INO80: variants seen among roughly 807,000 people sequenced by gnomAD.
INO80 encodes the protein chromatin-remodeling ATPase INO80.
INO80 carries 20 observed loss-of-function variants against 203.4 expected under a neutral mutation model. The ratio of observed to expected loss-of-function variants is 0.10; its 90% CI spans 0.07 to 0.14. The LOEUF (loss-of-function observed/expected upper bound fraction) is 0.14, where lower values mean the gene tolerates loss of function less well. INO80 is among the 10% of genes least tolerant of loss of function. The probability of loss-of-function intolerance (pLI) is 1.00; values close to 1 mark genes in which losing one functional copy is unlikely to be tolerated. For missense variants in INO80, 1,419 were observed against 1,914.4 expected (o/e 0.74, Z 4.83); for synonymous variants, 726 against 685.2 (o/e 1.06, Z -0.93).
chr15:41,070,604 C>T (rs904576865), intron 12 of INO80, 57 bp from the exon 13 acceptor site: 1 of 1,402,822 alleles, frequency 7.1e-7, no homozygotes, highest in Non-Finnish European at 1.0e-6. Flanking sequence ...TAAAGTTCAA[C>T]CTGTTACCAA....
intron 25 of INO80, among the ~76,000 whole-genome samples, chr15:41,025,866 C>T (rs1483861718): frequency 6.6e-6 from 1 of 152,210 alleles, no homozygotes; most frequent in Non-Finnish European, 1.5e-5. Context: ...ACAAAACCAA[C>T]CACACAACCA....
chr15:41,075,166 G>C (rs1371866827), intron 9 of INO80, among the ~76,000 whole-genome samples: 2 of 152,178 alleles, frequency 1.3e-5, no homozygotes, highest in Non-Finnish European at 2.9e-5. Flanking sequence ...TGGTGGCACA[G>C]AGACAACAAC....
intron 24 of INO80, 33 bp downstream of exon 24, chr15:41,044,871 A>G: frequency 6.4e-7 from 1 of 1,561,764 alleles, no homozygotes. Context: ...AGAAGATACT[A>G]AGTAGGTAAT....
At chr15:40,987,376 G>A (rs761302232) in intron 30 of INO80, among the ~76,000 whole-genome samples, 183 bp from the exon 31 acceptor site, 2 of 152,152 alleles carry the variant, frequency 1.3e-5, no homozygotes, top group East Asian at 3.8e-4. Flanking sequence ...TTGTCCGACA[G>A]AAGGAAAATG....
chr15:41,050,117 GA>G lies in INO80; in HGVS notation c.2275-16del, dbSNP rs1470183849. 5 of 1,578,602 alleles carry G rather than the reference GA, an allele frequency of 3.2e-6. No individual in the cohort carries two copies. The highest frequency in any genetic ancestry group is 2.6e-6 in the Non-Finnish European group (3 of 1,153,866). ...AGAATCTCAATCTAAAAATCAATAAGAACATTTATATTTGGAAAAGTAGTTT... is the reference window on the plus strand; with the variant it reads ...AGAATCTCAATCTAAAAATCAATAAGACATTTATATTTGGAAAAGTAGTTT... On this transcript the variant is annotated splice_polypyrimidine_tract_variant and intron_variant, in intron 19 of 35. Coordinates refer to ENST00000648947, the MANE Select transcript of INO80 (RefSeq NM_017553.3).
chr15:40,990,149 C>T (rs1437804569), intron 29 of INO80, among the ~76,000 whole-genome samples: 2 of 151,934 alleles, frequency 1.3e-5, no homozygotes, highest in Admixed American at 6.6e-5. Context: ...CTCCATCTTA[C>T]AAGCAAGGAA....
chr15:40,983,125 A>G (rs756963489), intron 34 of INO80, 48 bp from the exon 35 acceptor site: 88 of 1,464,494 alleles, frequency 6.0e-5, no homozygotes, highest in East Asian at 3.2e-4. Flanking sequence ...AAAAAAGTCA[A>G]TCTCCAAGAT....
At chr15:41,014,051 C>A (rs533568852) in intron 27 of INO80, among the ~76,000 whole-genome samples, 18 of 152,138 alleles carry the variant, frequency 1.2e-4, no homozygotes, top group African/African-American at 4.3e-4. Context: ...TTATCATACT[C>A]TGAATTACTT....
At chr15:41,097,093 T>C (rs1159319047) in intron 1 of INO80, among the ~76,000 whole-genome samples, 1 of 151,594 alleles carries the variant, frequency 6.6e-6, no homozygotes, top group Non-Finnish European at 1.5e-5. Flanking sequence ...ACTTTCTTGT[T>C]TGTTTTTGTT....
intron 26 of INO80, 55 bp downstream of exon 26, chr15:41,020,845 C>G: frequency 9.0e-7 from 1 of 1,114,668 alleles, no homozygotes; most frequent in South Asian, 1.3e-5. Flanking sequence ...GAAGATAACC[C>G]TGGTTCTCCC....
intron 23 of INO80, among the ~76,000 whole-genome samples, chr15:41,046,149 GTGTGTGTGTGTCTGTGTGTGTGTGTGTC>G (rs2044755855): frequency 3.3e-5 from 4 of 122,362 alleles, no homozygotes; most frequent in African/African-American, 1.1e-4. Context: ...TATTTAAGGG[GTGTGTGTGTGTCTGTGTGTGTGTGTGTC>G]TGTGTGTGTC....
chr15:40,995,454 T>C (rs547932745), intron 29 of INO80, among the ~76,000 whole-genome samples: 1 of 152,312 alleles, frequency 6.6e-6, no homozygotes, highest in South Asian at 2.1e-4. Context: ...GGGAAAGTGG[T>C]CTGATAATTA....
At chr15:41,003,035 G>C (rs1211132491) in intron 28 of INO80, among the ~76,000 whole-genome samples, 1 of 151,954 alleles carries the variant, frequency 6.6e-6, no homozygotes. Flanking sequence ...CAGGAGAATC[G>C]CTTGAACCCA....
intron 7 of INO80, among the ~76,000 whole-genome samples, chr15:41,081,884 A>T (rs183578294): frequency 6.1e-5 from 9 of 147,930 alleles, no homozygotes; most frequent in East Asian, 2.0e-4. Context: ...AGCCTTTTAT[A>T]AAAAAAAAAC....
At chr15:41,027,149 T>C (rs1400843456) in intron 25 of INO80, among the ~76,000 whole-genome samples, 7 of 152,242 alleles carry the variant, frequency 4.6e-5, no homozygotes, top group African/African-American at 1.4e-4. Context: ...TGGAGTGTTA[T>C]GTTTCCTTTT....
chr15:40,980,207 C>T lies in INO80; in HGVS notation c.*16G>A, dbSNP rs375192260. ...TAGCCCTGGTTTGGTTGAAGGAAGT[C>T]GGAGGGCCCAGATGGTTACCGTCCT... On this transcript the variant is annotated 3_prime_UTR_variant, in exon 36 of 36. Coordinates refer to ENST00000648947, the MANE Select transcript of INO80 (RefSeq NM_017553.3). The T allele has an allele frequency of 9.6e-4, 1,544 of 1,608,468 alleles. 31 individuals are homozygous for T. In the South Asian group the frequency reaches 0.015, roughly 16 times the overall value.
chr15:41,096,364 GAGATAAGAA>G lies in INO80; in HGVS notation c.-43-20_-43-12del. The G allele has an allele frequency of 6.7e-7, 1 of 1,483,314 alleles. No homozygotes were observed. Among genetic ancestry groups the G allele is most frequent in the East Asian group, 2.5e-5 (1 of 40,142 alleles). The allele number at this position is 1,483,314 out of a possible 1,614,324, so 91.9% of individuals were successfully genotyped here. ...CCTCCGACTGCACGGCTGCAGAACAGAGATAAGAAGTGAAAGATGAAATTACTATCCATT... is the reference window on the plus strand; with the variant it reads ...CCTCCGACTGCACGGCTGCAGAACAGGTGAAAGATGAAATTACTATCCATT... On this transcript the variant is annotated splice_polypyrimidine_tract_variant and intron_variant, in intron 1 of 35. Coordinates refer to ENST00000648947, the MANE Select transcript of INO80 (RefSeq NM_017553.3).
At chr15:41,060,059 G>A in intron 14 of INO80, 133 bp from the exon 15 acceptor site, 2 of 613,948 alleles carry the variant, frequency 3.3e-6, no homozygotes, top group Non-Finnish European at 5.5e-6. Flanking sequence ...GCCAATGGTG[G>A]AATAAATGGT....
intron 1 of INO80, among the ~76,000 whole-genome samples, chr15:41,107,968 T>A (rs2045905349): frequency 6.6e-6 from 1 of 151,792 alleles, no homozygotes. Flanking sequence ...GGCATGGTGG[T>A]GCATGCCTGT....
Sources: gnomAD v4.1 joint callset for allele counts (sites outside exome capture counted in the v4.1 genomes callset) on GRCh38, gnomAD v4.1.1 for gene constraint, MANE v1.5 for transcripts, NCBI Gene and HGNC (gene_info 2026-07-23, HGNC 2026-07-21) for gene names.